ACACA: variants seen among roughly 807,000 people sequenced by gnomAD.
The protein encoded by ACACA is acetyl-CoA carboxylase alpha, also known as acetyl-CoA carboxylase 1.
ACACA carries 103 observed loss-of-function variants against 296.1 expected under a neutral mutation model. That is an observed-to-expected ratio of 0.35 (90% CI 0.30 to 0.41). ACACA has a LOEUF of 0.41. Ranked by LOEUF, ACACA falls within the 10% of genes least tolerant of loss-of-function variation. The pLI is 1.00. For synonymous variants in ACACA, 953 were observed against 1,038.6 expected, an observed-to-expected ratio of 0.92 and a Z score of 1.58; for missense variants, 1,554 against 2,989.7, an observed-to-expected ratio of 0.52 and a Z score of 11.20.
intron 25 of ACACA, among the ~76,000 whole-genome samples, chr17:37,229,695 A>C (rs921734788): frequency 1.3e-5 from 2 of 152,156 alleles, no homozygotes; most frequent in African/African-American, 4.8e-5. Context: ...TTATCTTTCC[A>C]CTATGAGAGA....
chr17:37,371,079 T>TTTTG (rs766385240), intron 1 of ACACA, among the ~76,000 whole-genome samples: 1 of 152,116 alleles, frequency 6.6e-6, no homozygotes. Context: ...AGTTCAATTT[T>TTTTG]TTTGTTTGTT....
chr17:37,384,562 T>TA (rs539817178), intron 1 of ACACA, among the ~76,000 whole-genome samples: 13,153 of 148,602 alleles, frequency 0.089, 691 homozygotes, highest in Middle Eastern at 0.23. Flanking sequence ...TCTTACAGAT[T>TA]AAAAAAAAAA....
chr17:37,396,381 AT>A (rs1159328967), intron 1 of ACACA, among the ~76,000 whole-genome samples: 1 of 151,768 alleles, frequency 6.6e-6, no homozygotes, highest in Non-Finnish European at 1.5e-5. Flanking sequence ...TATAAAACAT[AT>A]TTTGTATCTC....
chr17:37,348,392 C>T (rs1246760688), intron 1 of ACACA, among the ~76,000 whole-genome samples: 1 of 152,096 alleles, frequency 6.6e-6, no homozygotes, highest in Non-Finnish European at 1.5e-5. Context: ...ACTGAAATTT[C>T]AGAAACTGAA....
At chr17:37,253,316 C>T (rs997848656) in intron 14 of ACACA, among the ~76,000 whole-genome samples, 2 of 152,014 alleles carry the variant, frequency 1.3e-5, no homozygotes, top group African/African-American at 2.4e-5. Flanking sequence ...GGCGTGAACC[C>T]GGGAGGCGGA....
rs147021761 is a variant in ACACA at position 37,094,229 on chromosome 17, C to T, written c.6891+2767G>A. ...ATCCTACTATTTCCTACAGTAGGAT[C>T]GTCCCAGTGGATTCAAACAGACTCC... On this transcript the variant is annotated intron_variant, in intron 54 of 55. Coordinates refer to ENST00000616317, the MANE Select transcript of ACACA (RefSeq NM_198834.3). Among the ~76,000 whole-genome samples, 57 of 152,250 alleles carry T rather than the reference C, an allele frequency of 3.7e-4. 1 individual carries two copies. In the East Asian group the frequency reaches 0.01, roughly 28 times the overall value.
chr17:37,390,185 CAT>C (rs2050747464), intron 1 of ACACA, among the ~76,000 whole-genome samples: 1 of 51,592 alleles, frequency 1.9e-5, no homozygotes, highest in Non-Finnish European at 3.2e-5. Context: ...TACACACACA[CAT>C]TATATATAAA....
chr17:37,382,628 G>A (rs370430639), intron 1 of ACACA, among the ~76,000 whole-genome samples: 84 of 152,194 alleles, frequency 5.5e-4, no homozygotes, highest in South Asian at 8.3e-4. Flanking sequence ...TTGGAAGGCC[G>A]AGGCAGGCGG....
rs2081302685 is a variant in ACACA, at chr17:37,258,252, T to C, written c.1622A>G (p.His541Arg). 1.2e-6 allele frequency: 2 copies of C among 1,614,042 alleles called. No individual in the cohort carries two copies. The highest frequency in any genetic ancestry group is 1.7e-6 in the Non-Finnish European group (2 of 1,180,024). Residue 541 changes from histidine to arginine, a missense_variant, in exon 13 of 56, where the codon CAT becomes CGT. By Grantham distance (29) the His-to-Arg change is conservative (BLOSUM62 0). Coordinates refer to ENST00000616317, the MANE Select transcript of ACACA (RefSeq NM_198834.3). ...ACTAGTGATCCGAGCAGCAATAACA[T>C]GGCCCCTTGGACAAGGAACGTGTGC... ...DSAHVPCPRGHVIAARITSEN... is the reference protein window; with the variant it reads ...DSAHVPCPRGRVIAARITSEN...
chr17:37,088,616 G>C (rs1337617019), intron 55 of ACACA, among the ~76,000 whole-genome samples: 1 of 152,134 alleles, frequency 6.6e-6, no homozygotes, highest in Non-Finnish European at 1.5e-5. Flanking sequence ...TGGTTTCCCA[G>C]GAAACCACCA....
chr17:37,266,723 CCT>C (rs1184533841), intron 10 of ACACA, among the ~76,000 whole-genome samples: 3 of 152,086 alleles, frequency 2.0e-5, no homozygotes, highest in African/African-American at 7.2e-5. Flanking sequence ...CTTTAGCTTA[CCT>C]CTCTTTTACA....
At chr17:37,228,510 A>C (rs984270768) in intron 25 of ACACA, among the ~76,000 whole-genome samples, 3 of 152,124 alleles carry the variant, frequency 2.0e-5, no homozygotes, top group African/African-American at 7.2e-5. Flanking sequence ...AAGGAAATGC[A>C]AGTAAGTCTC....
At chr17:37,254,607 T>A (rs1016962493) in intron 14 of ACACA, among the ~76,000 whole-genome samples, 3 of 152,162 alleles carry the variant, frequency 2.0e-5, no homozygotes, top group African/African-American at 7.2e-5. Context: ...TAAAGTTTTG[T>A]GAGGAGAGAG....
chr17:37,282,289 A>T (rs2082573879), intron 5 of ACACA, among the ~76,000 whole-genome samples: 1 of 152,090 alleles, frequency 6.6e-6, no homozygotes, highest in South Asian at 2.1e-4. Flanking sequence ...CTCCCCCTTC[A>T]TCTTCCCCCA....
chr17:37,159,378 T>C (rs2076376578), intron 42 of ACACA, among the ~76,000 whole-genome samples: 1 of 152,032 alleles, frequency 6.6e-6, no homozygotes, highest in South Asian at 2.1e-4. Flanking sequence ...TGTGCTACCA[T>C]GACCAGCTAA....
chr17:37,402,832 C>T (rs1277140434), intron 1 of ACACA, among the ~76,000 whole-genome samples: 1 of 152,070 alleles, frequency 6.6e-6, no homozygotes, highest in Non-Finnish European at 1.5e-5. Context: ...ACCACCACGC[C>T]CGGCTAATTT....
rs141293090 is a variant in ACACA, at chr17:37,243,241, G to T, written c.2931+130C>A. On this transcript the variant is annotated intron_variant, in intron 22 of 55. Transcript: ENST00000616317. The stretch of plus-strand genomic sequence containing the variant: ...TTTGTACCCTGAGGCAGTTTTGTGA[G>T]GAATACAATGCTTAAAAGTATACAA... 1,388 of 951,694 alleles carry T rather than the reference G, an allele frequency of 1.5e-3. 8 individuals are homozygous for T. In the African/African-American group the frequency reaches 0.02, roughly 14 times the overall value. The allele number at this position is 951,694 out of a possible 1,614,324, so 59.0% of individuals were successfully genotyped here.
intron 26 of ACACA, 135 bp from the exon 27 acceptor site, chr17:37,225,240 A>G: frequency 1.5e-6 from 1 of 672,416 alleles, no homozygotes; most frequent in Non-Finnish European, 2.7e-6. Context: ...GAGACCAAGT[A>G]AAACAACTTC....
chr17:37,213,185 G>A (rs551427490), intron 29 of ACACA, among the ~76,000 whole-genome samples: 7 of 149,762 alleles, frequency 4.7e-5, no homozygotes, highest in East Asian at 2.0e-4. Flanking sequence ...ACACACACAC[G>A]CACACAAATA....
Sources: allele counts gnomAD v4.1 joint callset (sites outside exome capture counted in the v4.1 genomes callset), GRCh38; gene constraint gnomAD v4.1.1; transcripts MANE v1.5; gene names NCBI Gene and HGNC (gene_info 2026-07-23, HGNC 2026-07-21).